PHF24: variants seen among roughly 807,000 people sequenced by gnomAD.
PHF24 encodes PHD finger protein 24, also known as Galpha inhibitory interacting protein.
In PHF24, 25 loss-of-function variants were observed where a neutral mutation model predicts 42.6. The ratio of observed to expected loss-of-function variants is 0.59; its 90% CI spans 0.43 to 0.82. The LOEUF (loss-of-function observed/expected upper bound fraction) is 0.82, where lower values mean the gene tolerates loss of function less well. Among genes scored for constraint, PHF24 ranks in the 40% least tolerant of loss-of-function variants. The pLI, the probability that PHF24 is intolerant of heterozygous loss-of-function variation, is 0.00. For synonymous variants in PHF24, 185 were observed against 204.8 expected, an observed-to-expected ratio of 0.90 and a Z score of 0.83; for missense variants, 470 against 538.1, an observed-to-expected ratio of 0.87 and a Z score of 1.25.
At chr9:34,686,652 G>A in the PHF24 span, among the ~76,000 whole-genome samples, 1 of 152,186 alleles carries the variant, frequency 6.6e-6, no homozygotes, top group Admixed American at 6.5e-5. Flanking sequence ...GGGAGATATT[G>A]GCTGCTGAGA....
At chr9:34,847,769 A>C in the PHF24 span, among the ~76,000 whole-genome samples, 21 of 151,756 alleles carry the variant, frequency 1.4e-4, no homozygotes, top group Non-Finnish European at 2.5e-4. Flanking sequence ...TTTTGAGATA[A>C]GTCCCATCAA....
At chr9:34,864,289 G>C in the PHF24 span, among the ~76,000 whole-genome samples, 2 of 152,148 alleles carry the variant, frequency 1.3e-5, no homozygotes, top group Non-Finnish European at 2.9e-5. Context: ...CGATATCTAA[G>C]TACAAGAAGG....
At chr9:34,950,295 C>G in the PHF24 span, among the ~76,000 whole-genome samples, 6 of 139,502 alleles carry the variant, frequency 4.3e-5, no homozygotes, top group East Asian at 1.2e-3. Flanking sequence ...TTGCAGTAAG[C>G]AGAGATTGTG....
At chr9:34,801,344 T>A in the PHF24 span, among the ~76,000 whole-genome samples, 5 of 152,078 alleles carry the variant, frequency 3.3e-5, no homozygotes, top group East Asian at 9.6e-4. Context: ...CACATGCACA[T>A]GTATGTTTAT....
the PHF24 span, among the ~76,000 whole-genome samples, chr9:34,874,377 G>C: frequency 6.6e-6 from 1 of 152,064 alleles, no homozygotes; most frequent in Middle Eastern, 3.2e-3. Flanking sequence ...AATAAATTAG[G>C]TATTAATGGG....
the PHF24 span, among the ~76,000 whole-genome samples, chr9:34,798,062 A>G: frequency 6.6e-6 from 1 of 152,208 alleles, no homozygotes; most frequent in Non-Finnish European, 1.5e-5. Flanking sequence ...GTGTGACCAC[A>G]AAGGGTTAGC....
At chr9:34,835,151 T>C in the PHF24 span, 1 of 1,548,296 alleles carries the variant, frequency 6.5e-7, no homozygotes, top group Non-Finnish European at 8.7e-7. Flanking sequence ...GTGGTGTCTT[T>C]GTTCTGGGTT....
the PHF24 span, among the ~76,000 whole-genome samples, chr9:34,812,153 A>G: frequency 1.3e-5 from 2 of 152,332 alleles, no homozygotes; most frequent in East Asian, 3.9e-4. Flanking sequence ...CAGGAGGATT[A>G]CTTGAGCCTA....
rs772829113 is a variant in PHF24 at position 34,977,077 on chromosome 9, C to T, written c.850-6C>T. 3 of 1,585,206 alleles carry T rather than the reference C, an allele frequency of 1.9e-6. No homozygotes were observed. The highest frequency in any genetic ancestry group is 2.7e-5 in the African/African-American group (2 of 73,550). On this transcript the variant is annotated splice_polypyrimidine_tract_variant and splice_region_variant and intron_variant, in intron 5 of 7. Transcript: ENST00000242315. Reference sequence around the variant, plus strand: ...CACCTCTAAGATCTTGTCTCTTCTTCCCCAGAACTCTCTGTTGAGGCTTCT... The same window carrying T: ...CACCTCTAAGATCTTGTCTCTTCTTTCCCAGAACTCTCTGTTGAGGCTTCT...
chr9:34,855,309 T>C, the PHF24 span, among the ~76,000 whole-genome samples: 1 of 152,212 alleles, frequency 6.6e-6, no homozygotes, highest in Admixed American at 6.5e-5. Flanking sequence ...AATTTGATCC[T>C]GTCATCATGA....
At chr9:34,701,603 C>T in the PHF24 span, among the ~76,000 whole-genome samples, 1 of 152,122 alleles carries the variant, frequency 6.6e-6, no homozygotes, top group African/African-American at 2.4e-5. This position sits in a 1 kb window ranked among gnomAD's most constrained non-coding sequence, Gnocchi z 5.8. Flanking sequence ...CTCTGGCGCC[C>T]TCCCGGCTCC....
At chr9:34,833,660 T>G in the PHF24 span, 2 of 1,518,894 alleles carry the variant, frequency 1.3e-6, no homozygotes, top group African/African-American at 1.4e-5. Context: ...CTGGAGTGAG[T>G]GGGGGCTAGT....
At chr9:34,781,314 G>A in the PHF24 span, among the ~76,000 whole-genome samples, 2 of 152,130 alleles carry the variant, frequency 1.3e-5, no homozygotes, top group Admixed American at 1.3e-4. Context: ...TCTGAACCTT[G>A]AAAATATTAC....
At chr9:34,969,664 A>G (rs897340571) in intron 1 of PHF24, among the ~76,000 whole-genome samples, 5 of 145,882 alleles carry the variant, frequency 3.4e-5, no homozygotes, top group Admixed American at 3.4e-4. Flanking sequence ...CAAAAAAACA[A>G]AAAACTGCCC....
At chr9:34,810,550 G>A in the PHF24 span, among the ~76,000 whole-genome samples, 482 of 152,146 alleles carry the variant, frequency 3.2e-3, 2 homozygotes, top group Non-Finnish European at 5.7e-3. Context: ...TCGTGATGGT[G>A]GAGCCCCCAG....
chr9:34,690,994 A>T, the PHF24 span: 2 of 1,092,092 alleles, frequency 1.8e-6, no homozygotes, highest in South Asian at 3.0e-5. Context: ...TGAACTCACC[A>T]TGTCCCTTAC....
At chr9:34,967,602 T>G (rs1434743305) in intron 1 of PHF24, among the ~76,000 whole-genome samples, 1 of 152,176 alleles carries the variant, frequency 6.6e-6, no homozygotes, top group Non-Finnish European at 1.5e-5. Flanking sequence ...GTTTTGTATT[T>G]TCTCTCTTGG....
the PHF24 span, among the ~76,000 whole-genome samples, chr9:34,864,981 C>G: frequency 6.6e-6 from 1 of 151,740 alleles, no homozygotes; most frequent in East Asian, 1.9e-4. Context: ...TTGAGACCAT[C>G]CTGGTTAACC....
chr9:34,904,289 C>T, the PHF24 span, among the ~76,000 whole-genome samples: 1 of 152,110 alleles, frequency 6.6e-6, no homozygotes, highest in Non-Finnish European at 1.5e-5. Context: ...AGTGGGCATC[C>T]TTGTCTTATT....
Sources: allele counts gnomAD v4.1 joint callset (sites outside exome capture counted in the v4.1 genomes callset), GRCh38; gene constraint gnomAD v4.1.1; non-coding constraint Gnocchi (gnomAD v3.1); transcripts MANE v1.5; gene names NCBI Gene and HGNC (gene_info 2026-07-23, HGNC 2026-07-21).